SLC17A1: variants seen among roughly 807,000 people sequenced by gnomAD.
SLC17A1 encodes solute carrier family 17 member 1.
SLC17A1 carries 51 observed loss-of-function variants against 53.5 expected under a neutral mutation model. The ratio of observed to expected loss-of-function variants is 0.95; its 90% CI spans 0.76 to 1.20. The LOEUF is 1.20. SLC17A1 is among the 50% of genes most tolerant of loss of function. The pLI, the probability that SLC17A1 is intolerant of heterozygous loss-of-function variation, is 0.00. For synonymous variants in SLC17A1, 179 were observed against 198.8 expected, an observed-to-expected ratio of 0.90 and a Z score of 0.84; for missense variants, 538 against 568.2, an observed-to-expected ratio of 0.95 and a Z score of 0.54.
At chr6:25,810,236 C>T (rs565725725) in intron 10 of SLC17A1, among the ~76,000 whole-genome samples, 12 of 151,918 alleles carry the variant, frequency 7.9e-5, no homozygotes, top group African/African-American at 1.9e-4. Flanking sequence ...CAAAAGCACA[C>T]GCAATGAAAG....
chr6:25,812,470 C>A (rs1385807137), intron 8 of SLC17A1, among the ~76,000 whole-genome samples: 1 of 152,166 alleles, frequency 6.6e-6, no homozygotes, highest in East Asian at 1.9e-4. Flanking sequence ...AAAAGCTTGG[C>A]AGAGTGACAG....
At chr6:25,743,179 CT>C in the SLC17A1 span, among the ~76,000 whole-genome samples, 1 of 151,960 alleles carries the variant, frequency 6.6e-6, no homozygotes, top group Non-Finnish European at 1.5e-5. Context: ...TTGAGTACTA[CT>C]TTTTTTTGTA....
chr6:25,741,415 CA>C, the SLC17A1 span, among the ~76,000 whole-genome samples: 2,457 of 82,866 alleles, frequency 0.03, 42 homozygotes, highest in Admixed American at 0.04. Flanking sequence ...ACTAAGAATC[CA>C]AAAAAAAAAA....
At chr6:25,777,851 C>G in the SLC17A1 span, 2 of 1,218,948 alleles carry the variant, frequency 1.6e-6, no homozygotes, top group Non-Finnish European at 2.4e-6. Flanking sequence ...GAATATTTGC[C>G]TCCCTCTCCC....
At chr6:25,747,175 G>A in the SLC17A1 span, among the ~76,000 whole-genome samples, 1 of 152,296 alleles carries the variant, frequency 6.6e-6, no homozygotes, top group South Asian at 2.1e-4. Flanking sequence ...TCAACCCAGT[G>A]CATTCCTGCA....
At chr6:25,770,712 C>CTA in the SLC17A1 span, among the ~76,000 whole-genome samples, 3 of 152,262 alleles carry the variant, frequency 2.0e-5, no homozygotes, top group African/African-American at 7.2e-5. Flanking sequence ...TATAAGTCAG[C>CTA]TATATATAAT....
the SLC17A1 span, among the ~76,000 whole-genome samples, chr6:25,740,193 A>T: frequency 6.6e-6 from 1 of 152,348 alleles, no homozygotes; most frequent in Non-Finnish European, 1.5e-5. Context: ...ATAAAAATAA[A>T]TTAAAATTTT....
chr6:25,825,631 G>A (rs1299924638), intron 3 of SLC17A1, among the ~76,000 whole-genome samples: 4 of 151,678 alleles, frequency 2.6e-5, no homozygotes, highest in Admixed American at 2.0e-4. Context: ...CTTTGTTTTT[G>A]TTTTTGCTAT....
chr6:25,805,832 C>T lies in SLC17A1; in HGVS notation c.1179-4852G>A, dbSNP rs1386938232. Among the ~76,000 whole-genome samples, 5 of 151,686 alleles carry T rather than the reference C, an allele frequency of 3.3e-5. 1 individual carries two copies. The highest frequency in any genetic ancestry group is 2.6e-4 in the Admixed American group (4 of 15,206). On this transcript the variant is annotated intron_variant, in intron 10 of 12. Transcript: ENST00000244527. ...GATTAAATTAGGAAAAAATAGAAAC[C>T]CTGAACAGAGTAATAACAAGCAGTG...
At chr6:25,769,090 A>G in the SLC17A1 span, 1 of 1,614,096 alleles carries the variant, frequency 6.2e-7, no homozygotes, top group Non-Finnish European at 8.5e-7. Flanking sequence ...GCTATGGTGA[A>G]CAACACAGCC....
chr6:25,801,849 C>G (rs1450343587), intron 10 of SLC17A1, among the ~76,000 whole-genome samples: 1 of 152,026 alleles, frequency 6.6e-6, no homozygotes, highest in Non-Finnish European at 1.5e-5. Flanking sequence ...ACCTAGAGTC[C>G]TTGAACGTTA....
chr6:25,726,263 G>A, the SLC17A1 span: 3 of 1,613,858 alleles, frequency 1.9e-6, no homozygotes, highest in African/African-American at 1.3e-5. Flanking sequence ...TCATCATTGC[G>A]GATCGCTAGC....
intron 12 of SLC17A1, among the ~76,000 whole-genome samples, chr6:25,796,446 A>ATT (rs1245461563): frequency 6.6e-6 from 1 of 151,746 alleles, no homozygotes; most frequent in Non-Finnish European, 1.5e-5. Context: ...GACGCTATCA[A>ATT]TTTTCCTCCT....
At chr6:25,755,227 T>A in the SLC17A1 span, among the ~76,000 whole-genome samples, 1 of 152,224 alleles carries the variant, frequency 6.6e-6, no homozygotes, top group Non-Finnish European at 1.5e-5. Flanking sequence ...GAGGAAGATT[T>A]TCATCATGCC....
chr6:25,813,194 T>A lies in SLC17A1; in HGVS notation c.636A>T (p.Val212=). ...FYIFGACGCA[V]CLLWFVLFYD... ...AAAACAGAACGAACCAGAGAAGACA[T>A]ACGGCACAGCCACAAGCACCTATCA... is the stretch of plus-strand genomic sequence containing the variant. Residue 212 remains valine, a synonymous_variant, in exon 7 of 13, where the codon GTA becomes GTT. Coordinates refer to ENST00000244527, the MANE Select transcript of SLC17A1 (RefSeq NM_005074.5). The A allele has an allele frequency of 6.2e-7, 1 of 1,614,102 alleles. No homozygotes were observed. Among genetic ancestry groups the A allele is most frequent in the Non-Finnish European group, 8.5e-7 (1 of 1,179,962 alleles).
chr6:25,728,473 T>G, the SLC17A1 span, among the ~76,000 whole-genome samples: 1 of 152,138 alleles, frequency 6.6e-6, no homozygotes, highest in Non-Finnish European at 1.5e-5. Context: ...CATTTAACCT[T>G]TATCTTTTAA....
At chr6:25,768,364 G>C in the SLC17A1 span, 1 of 985,710 alleles carries the variant, frequency 1.0e-6, no homozygotes, top group Non-Finnish European at 1.2e-6. Flanking sequence ...TCCCGCTGTT[G>C]TCAAACTAAT....
the SLC17A1 span, among the ~76,000 whole-genome samples, chr6:25,747,783 T>A: frequency 2.0e-5 from 3 of 152,328 alleles, no homozygotes; most frequent in African/African-American, 7.2e-5. Flanking sequence ...TGGGCCCTCA[T>A]CAGATACTGA....
chr6:25,756,071 G>T, the SLC17A1 span, among the ~76,000 whole-genome samples: 1 of 152,004 alleles, frequency 6.6e-6, no homozygotes, highest in African/African-American at 2.4e-5. Context: ...TCAGTCTCTT[G>T]GTTCTCAATC....
Sources: gnomAD v4.1 joint callset for allele counts (sites outside exome capture counted in the v4.1 genomes callset) on GRCh38, gnomAD v4.1.1 for gene constraint, MANE v1.5 for transcripts, NCBI Gene and HGNC (gene_info 2026-07-23, HGNC 2026-07-21) for gene names.